CHST9: variants seen among roughly 807,000 people sequenced by gnomAD.
CHST9 encodes the protein GalNAc-4-sulfotransferase 2.
A neutral mutation model predicts 44.4 loss-of-function variants in CHST9; 41 were observed. That is an observed-to-expected ratio of 0.92 (90% CI 0.72 to 1.20). The LOEUF is 1.20. Among genes scored for constraint, CHST9 ranks in the 50% most tolerant of loss-of-function variants. The pLI is 0.00. For missense variants in CHST9, 504 were observed against 516.5 expected, an observed-to-expected ratio of 0.98 and a Z score of 0.23; for synonymous variants, 171 against 178.4, an observed-to-expected ratio of 0.96 and a Z score of 0.33.
intron 1 of CHST9, among the ~76,000 whole-genome samples, chr18:27,166,389 T>C (rs1027475906): frequency 6.6e-6 from 1 of 152,184 alleles, no homozygotes; most frequent in African/African-American, 2.4e-5. Context: ...AACTAAACTA[T>C]TTAAATTCTT....
At chr18:26,940,447 A>G (rs1257692746) in intron 5 of CHST9, among the ~76,000 whole-genome samples, 1 of 152,180 alleles carries the variant, frequency 6.6e-6, no homozygotes, top group Non-Finnish European at 1.5e-5. Context: ...AATCACTGTT[A>G]ACAATAGGGG....
rs867493480 is a variant in CHST9, at chr18:26,909,334, C to T, written c.*6925G>A. 2.6e-5 allele frequency: 4 copies of T among 152,020 alleles called. No homozygotes were observed. The highest frequency in any genetic ancestry group is 9.7e-5 in the African/African-American group (4 of 41,384). The allele number at this position is 152,020 out of a possible 1,614,324, so 9.4% of individuals were successfully genotyped here. A position where few individuals can be genotyped will look rare whatever the true frequency, so the allele number is the denominator to read the frequency against. On this transcript the variant is annotated 3_prime_UTR_variant, in exon 6 of 6. Transcript: ENST00000618847. ...AAATTCACACACACACGAGAAGTACCCCAAGAGATTATTAAAAAGGAAATT... is the reference window on the plus strand; with the variant it reads ...AAATTCACACACACACGAGAAGTACTCCAAGAGATTATTAAAAAGGAAATT...
intron 4 of CHST9, among the ~76,000 whole-genome samples, chr18:27,008,912 G>GTTT (rs34156224): frequency 6.9e-6 from 1 of 145,058 alleles, no homozygotes; most frequent in African/African-American, 2.5e-5. Context: ...GTTCTGTTCT[G>GTTT]TTTTTTTTTT....
Position 26,991,171 on chromosome 18 carries a change from T to C in CHST9, c.202+32945A>G, listed in dbSNP as rs534672546. ...AGCAGGGTCACTTCTTAAGAGGCTA[T>C]GGCATATTCCAAACAAGAGATGATG... On this transcript the variant is annotated intron_variant, in intron 4 of 5. Transcript: ENST00000618847. Among the ~76,000 whole-genome samples the C allele has an allele frequency of 3.9e-5, 6 of 152,306 alleles. No individual in the cohort carries two copies. The South Asian group carries it at 1.2e-3, about 32-fold the overall frequency.
chr18:27,092,426 T>C (rs2058078320), intron 2 of CHST9, among the ~76,000 whole-genome samples: 1 of 152,142 alleles, frequency 6.6e-6, no homozygotes, highest in Non-Finnish European at 1.5e-5. Flanking sequence ...TTTGAAGAGT[T>C]GTTTGTGTCT....
intron 4 of CHST9, among the ~76,000 whole-genome samples, chr18:27,002,995 G>T (rs1262136568): frequency 6.6e-6 from 1 of 152,020 alleles, no homozygotes; most frequent in Admixed American, 6.6e-5. Context: ...ACATGGGTTG[G>T]CTAACTAGAT....
At chr18:27,017,417 C>T (rs983678394) in intron 4 of CHST9, among the ~76,000 whole-genome samples, 1 of 152,128 alleles carries the variant, frequency 6.6e-6, no homozygotes, top group Non-Finnish European at 1.5e-5. Flanking sequence ...AGTAGAATAT[C>T]ACACATCAAT....
rs530713306 is a variant in CHST9 at position 26,909,791 on chromosome 18, A to AG, written c.*6467dup. 2.3e-3 allele frequency: 349 copies of AG among 152,640 alleles called. No individual in the cohort carries two copies. The highest frequency in any genetic ancestry group is 6.6e-3 in the South Asian group (32 of 4,846). The allele number at this position is 152,640 out of a possible 1,614,324, so 9.5% of individuals were successfully genotyped here. ...GAGTAGGAGGAGTAGGAGGAGGAGG[A>AG]GGAAGAGGAGGGAAGAGGAGGAGGA... is the stretch of plus-strand genomic sequence containing the variant. On this transcript the variant is annotated 3_prime_UTR_variant, in exon 6 of 6. Coordinates refer to ENST00000618847, the MANE Select transcript of CHST9 (RefSeq NM_031422.6).
At chr18:27,113,971 T>TAAATGTTAGG (rs1473738671) in intron 2 of CHST9, among the ~76,000 whole-genome samples, 1 of 152,228 alleles carries the variant, frequency 6.6e-6, no homozygotes, top group African/African-American at 2.4e-5. Flanking sequence ...CATGAAAATT[T>TAAATGTTAGG]AAATGTTAGG....
chr18:26,959,315 G>C (rs1271407764), intron 4 of CHST9, among the ~76,000 whole-genome samples: 1 of 152,198 alleles, frequency 6.6e-6, no homozygotes, highest in Non-Finnish European at 1.5e-5. Flanking sequence ...AAGACCACTA[G>C]AGGGAGGAGT....
chr18:27,180,320 CTTTTA>C (rs2058902068), intron 1 of CHST9, among the ~76,000 whole-genome samples: 2 of 152,092 alleles, frequency 1.3e-5, no homozygotes, highest in Non-Finnish European at 2.9e-5. Flanking sequence ...ATACACATTA[CTTTTA>C]TTTTATTAGT....
intron 1 of CHST9, among the ~76,000 whole-genome samples, chr18:27,157,540 G>C (rs1351704276): frequency 1.3e-5 from 2 of 152,058 alleles, no homozygotes; most frequent in Non-Finnish European, 2.9e-5. Flanking sequence ...AAACAGCAGA[G>C]GTCCTAATCC....
rs1005708405 is a variant in CHST9, at chr18:26,976,406, A to G, written c.203-32040T>C. 3.9e-5 allele frequency among the ~76,000 whole-genome samples: 6 copies of G among 152,136 alleles called. No homozygotes were observed. The Admixed American group carries it at 3.9e-4, about 10-fold the overall frequency. On this transcript the variant is annotated intron_variant, in intron 4 of 5. Coordinates refer to ENST00000618847, the MANE Select transcript of CHST9 (RefSeq NM_031422.6). ...ATCAAGCCTAGCAGACAAGTGATTT[A>G]GCCCCAGGCCACATAACTGGTAATT...
At chr18:27,088,801 A>C (rs913001751) in intron 2 of CHST9, among the ~76,000 whole-genome samples, 5 of 152,168 alleles carry the variant, frequency 3.3e-5, no homozygotes, top group Non-Finnish European at 7.3e-5. Flanking sequence ...AGATAGATGC[A>C]CAGATTTAGG....
At chr18:26,964,717 T>C (rs1365107283) in intron 4 of CHST9, among the ~76,000 whole-genome samples, 1 of 152,210 alleles carries the variant, frequency 6.6e-6, no homozygotes, top group Non-Finnish European at 1.5e-5. Flanking sequence ...CCTTCTTCCA[T>C]GTGTGCTGTG....
intron 1 of CHST9, among the ~76,000 whole-genome samples, chr18:27,156,422 A>C (rs561819466): frequency 1.3e-5 from 2 of 152,264 alleles, no homozygotes; most frequent in Admixed American, 1.3e-4. Flanking sequence ...TTTCTGTTTC[A>C]GTGATGACAG....
intron 2 of CHST9, among the ~76,000 whole-genome samples, chr18:27,085,909 G>T (rs542941993): frequency 6.6e-6 from 1 of 152,100 alleles, no homozygotes; most frequent in African/African-American, 2.4e-5. Context: ...AAAATGTGGT[G>T]TATATATAGC....
At chr18:27,112,448 G>T (rs1324662592) in intron 2 of CHST9, among the ~76,000 whole-genome samples, 2 of 151,686 alleles carry the variant, frequency 1.3e-5, no homozygotes, top group Non-Finnish European at 2.9e-5. Flanking sequence ...AAATAACTTT[G>T]TGCATAAGGC....
At chr18:26,919,938 C>T (rs1043766481) in intron 5 of CHST9, among the ~76,000 whole-genome samples, 7 of 152,166 alleles carry the variant, frequency 4.6e-5, no homozygotes, top group Admixed American at 6.5e-5. Context: ...CTGCAGCCCA[C>T]GGCTGCTTCC....
Sources: gnomAD v4.1 joint callset for allele counts (sites outside exome capture counted in the v4.1 genomes callset) on GRCh38, gnomAD v4.1.1 for gene constraint, MANE v1.5 for transcripts, NCBI Gene and HGNC (gene_info 2026-07-23, HGNC 2026-07-21) for gene names.